MDGA2: variants seen among roughly 807,000 people sequenced by gnomAD.
MDGA2 encodes the protein MAM domain containing glycosylphosphatidylinositol anchor 2.
In MDGA2, 40 loss-of-function variants were observed where a neutral mutation model predicts 117.8. The observed-to-expected ratio is 0.34, with a 90% CI of 0.26 to 0.44. MDGA2 has a LOEUF of 0.44. Ranked by LOEUF, MDGA2 falls within the 20% of genes least tolerant of loss-of-function variation. The probability of loss-of-function intolerance (pLI) is 1.00; values close to 1 mark genes in which losing one functional copy is unlikely to be tolerated. For synonymous variants in MDGA2, 452 were observed against 439.0 expected, an observed-to-expected ratio of 1.03 and a Z score of -0.37; for missense variants, 1,123 against 1,250.6, an observed-to-expected ratio of 0.90 and a Z score of 1.54.
chr14:47,231,837 T>C (rs1886703456), intron 2 of MDGA2, among the ~76,000 whole-genome samples: 1 of 151,938 alleles, frequency 6.6e-6, no homozygotes, highest in East Asian at 1.9e-4. Flanking sequence ...AGTGTTCTTC[T>C]CCACAAACAG....
chr14:46,865,303 C>G (rs1881704981), intron 14 of MDGA2, among the ~76,000 whole-genome samples: 1 of 152,080 alleles, frequency 6.6e-6, no homozygotes, highest in Non-Finnish European at 1.5e-5. Flanking sequence ...ATGATTATCT[C>G]AATAGATGCA....
rs1269633295 is a variant in MDGA2, at chr14:47,116,910, G to A, written c.925+14804C>T. On this transcript the variant is annotated intron_variant, in intron 5 of 16. Transcript: ENST00000399232. ...AAACAACAACAAAAATAAACAAGTG[G>A]GACCACATCAAAATAAAAAAAAAGG... Among the ~76,000 whole-genome samples, 5 of 146,968 alleles carry A rather than the reference G, an allele frequency of 3.4e-5. No homozygotes were observed. The South Asian group carries it at 8.4e-4, about 25-fold the overall frequency.
chr14:47,644,584 G>A (rs1451562029), intron 1 of MDGA2, among the ~76,000 whole-genome samples: 1 of 151,898 alleles, frequency 6.6e-6, no homozygotes, highest in African/African-American at 2.4e-5. Context: ...GGAAGAGATT[G>A]ATCCATGGGT....
intron 15 of MDGA2, among the ~76,000 whole-genome samples, chr14:46,848,814 G>A (rs1461872587): frequency 6.6e-6 from 1 of 151,934 alleles, no homozygotes; most frequent in Admixed American, 6.6e-5. Context: ...TATGTTGACT[G>A]TAAGTCTGTG....
chr14:47,503,958 T>G (rs1894456877), intron 1 of MDGA2, among the ~76,000 whole-genome samples: 1 of 152,184 alleles, frequency 6.6e-6, no homozygotes, highest in Non-Finnish European at 1.5e-5. Flanking sequence ...TCTCATCTTT[T>G]ATAGAGCCTA....
chr14:46,989,247 G>C (rs1886986090), intron 8 of MDGA2, among the ~76,000 whole-genome samples: 1 of 151,766 alleles, frequency 6.6e-6, no homozygotes, highest in African/African-American at 2.4e-5. Flanking sequence ...ATTTATATGG[G>C]CTAGGAATAC....
chr14:47,186,002 T>G (rs1302726171), intron 3 of MDGA2, among the ~76,000 whole-genome samples: 2 of 151,598 alleles, frequency 1.3e-5, no homozygotes. Flanking sequence ...TAAAAATCAG[T>G]AATATGTGTA....
intron 6 of MDGA2, among the ~76,000 whole-genome samples, chr14:47,094,202 A>C (rs926890958): frequency 3.3e-5 from 5 of 152,074 alleles, no homozygotes; most frequent in Non-Finnish European, 5.9e-5. Context: ...TTTATGAATT[A>C]TGTGAATGCC....
intron 5 of MDGA2, among the ~76,000 whole-genome samples, chr14:47,099,855 T>C (rs569701842): frequency 9.9e-5 from 15 of 152,170 alleles, no homozygotes; most frequent in Non-Finnish European, 1.8e-4. Context: ...CTTTTGATAA[T>C]AGCTAGTACA....
intron 9 of MDGA2, among the ~76,000 whole-genome samples, chr14:46,956,718 G>C (rs143009479): frequency 1.8e-4 from 27 of 151,938 alleles, no homozygotes; most frequent in Admixed American, 6.6e-4. Context: ...TATTATTATT[G>C]AAACACTCAA....
intron 1 of MDGA2, among the ~76,000 whole-genome samples, chr14:47,665,779 C>T (rs1484864215): frequency 3.3e-5 from 5 of 150,082 alleles, no homozygotes; most frequent in Admixed American, 2.0e-4. Context: ...GGGCAGGGCT[C>T]GGGACTAGCA....
At chr14:47,095,176 T>C (rs1326871647) in intron 6 of MDGA2, among the ~76,000 whole-genome samples, 2 of 152,032 alleles carry the variant, frequency 1.3e-5, no homozygotes, top group African/African-American at 4.8e-5. Context: ...GCACATTTCA[T>C]TGATTCTAAA....
chr14:47,461,269 A>ATGTG (rs55889646), intron 1 of MDGA2, among the ~76,000 whole-genome samples: 114 of 142,942 alleles, frequency 8.0e-4, no homozygotes, highest in Middle Eastern at 3.6e-3. Context: ...AAAAAAATGT[A>ATGTG]TGTGTGTGTG....
intron 1 of MDGA2, among the ~76,000 whole-genome samples, chr14:47,608,564 A>G (rs140505760): frequency 6.6e-6 from 1 of 152,286 alleles, no homozygotes; most frequent in East Asian, 1.9e-4. Context: ...AGGTGGCTAT[A>G]TTAGTAGGAG....
chr14:47,206,693 C>T lies in MDGA2; in HGVS notation c.595+11328G>A, dbSNP rs529497852. Among the ~76,000 whole-genome samples, 305 of 152,044 alleles carry T rather than the reference C, an allele frequency of 2.0e-3. 7 individuals carry two copies. Among genetic ancestry groups the T allele is most frequent in the Non-Finnish European group, 3.5e-3 (237 of 67,902 alleles). The stretch of plus-strand genomic sequence containing the variant: ...TTGCTTGAGGCCAGGAGTTCAAGAC[C>T]AAACTGGGCAACATGCAAGACTCAG... On this transcript the variant is annotated intron_variant, in intron 3 of 16. Coordinates refer to ENST00000399232, the MANE Select transcript of MDGA2 (RefSeq NM_001113498.3).
chr14:47,592,106 C>CA (rs1335431312), intron 1 of MDGA2, among the ~76,000 whole-genome samples: 2 of 152,136 alleles, frequency 1.3e-5, no homozygotes, highest in African/African-American at 4.8e-5. Context: ...AACAGACAAG[C>CA]AGAGAGCCAA....
chr14:47,124,285 C>T (rs765248194), intron 5 of MDGA2, among the ~76,000 whole-genome samples: 2 of 152,070 alleles, frequency 1.3e-5, no homozygotes, highest in East Asian at 1.9e-4. Context: ...AATCTTTTGA[C>T]GATGCTTTTA....
intron 9 of MDGA2, among the ~76,000 whole-genome samples, chr14:46,930,664 G>A (rs1884534831): frequency 6.6e-6 from 1 of 151,948 alleles, no homozygotes; most frequent in Admixed American, 6.6e-5. Context: ...TCTTTCCTTA[G>A]GATTATTCAT....
chr14:47,055,961 G>A (rs554838249), intron 7 of MDGA2, among the ~76,000 whole-genome samples: 2 of 152,098 alleles, frequency 1.3e-5, no homozygotes, highest in African/African-American at 2.4e-5. Flanking sequence ...TTCAAGGAAA[G>A]AAATTAATAT....
Sources: gnomAD v4.1 joint callset for allele counts (sites outside exome capture counted in the v4.1 genomes callset) on GRCh38, gnomAD v4.1.1 for gene constraint, MANE v1.5 for transcripts, NCBI Gene and HGNC (gene_info 2026-07-23, HGNC 2026-07-21) for gene names.